Variants in RSF1 observed in about 807,000 individuals in gnomAD.
The protein encoded by RSF1 is HBV pX-associated protein 8.
RSF1 carries 13 observed loss-of-function variants against 145.2 expected under a neutral mutation model. The ratio of observed to expected loss-of-function variants is 0.09; its 90% confidence interval spans 0.06 to 0.14. The LOEUF is 0.14. Ranked by LOEUF, RSF1 falls within the 10% of genes least tolerant of loss-of-function variation. The pLI is 1.00. For missense variants in RSF1, 1,517 were observed against 1,718.2 expected (o/e 0.88, Z 2.07); for synonymous variants, 577 against 592.6 (o/e 0.97, Z 0.38).
chr11:77,840,118 A>G, the RSF1 span, among the ~76,000 whole-genome samples: 1 of 152,098 alleles, frequency 6.6e-6, no homozygotes, highest in East Asian at 1.9e-4. Context: ...ACACACACAC[A>G]CAACACCCAG....
At chr11:77,784,862 T>A (rs1482007027) in intron 1 of RSF1, among the ~76,000 whole-genome samples, 1 of 152,214 alleles carries the variant, frequency 6.6e-6, no homozygotes. Context: ...TGCCTAGCGT[T>A]GTGGATTTTC....
chr11:77,805,705 T>C (rs1181663869), intron 1 of RSF1, among the ~76,000 whole-genome samples: 3 of 152,226 alleles, frequency 2.0e-5, no homozygotes, highest in Non-Finnish European at 4.4e-5. Flanking sequence ...TATGATATAT[T>C]GCTATAATCT....
chr11:77,777,167 TCA>T (rs1191185868), intron 1 of RSF1, among the ~76,000 whole-genome samples: 1 of 152,198 alleles, frequency 6.6e-6, no homozygotes, highest in Non-Finnish European at 1.5e-5. Flanking sequence ...CATAAATACT[TCA>T]GTGTGTATCT....
chr11:77,834,441 GTTTTTTTTTTT>G, the RSF1 span, among the ~76,000 whole-genome samples: 2 of 105,548 alleles, frequency 1.9e-5, no homozygotes, highest in African/African-American at 7.2e-5. Flanking sequence ...AGTTGATTTT[GTTTTTTTTTTT>G]TTTTTTTTTT....
At chr11:77,749,287 G>A (rs1237246580) in intron 2 of RSF1, among the ~76,000 whole-genome samples, 3 of 152,036 alleles carry the variant, frequency 2.0e-5, no homozygotes, top group Admixed American at 6.5e-5. Context: ...TTGTTTAAAC[G>A]GTAAATTTTC....
At chr11:77,712,402 C>T (rs1177544960) in intron 5 of RSF1, among the ~76,000 whole-genome samples, 1 of 152,148 alleles carries the variant, frequency 6.6e-6, no homozygotes, top group African/African-American at 2.4e-5. Context: ...TATAAATTAC[C>T]CAGTCTCAGG....
chr11:77,715,958 C>A (rs1305406864), intron 5 of RSF1, among the ~76,000 whole-genome samples: 2 of 152,080 alleles, frequency 1.3e-5, no homozygotes, highest in Admixed American at 6.6e-5. Flanking sequence ...ACATTCAGTA[C>A]ATAAACTTTT....
At chr11:77,668,059 G>A (rs1396427629) in intron 15 of RSF1, among the ~76,000 whole-genome samples, 2 of 151,870 alleles carry the variant, frequency 1.3e-5, no homozygotes, top group African/African-American at 4.8e-5. Flanking sequence ...GTATCATGGC[G>A]CAAACTAGGC....
intron 7 of RSF1, among the ~76,000 whole-genome samples, chr11:77,694,961 G>A (rs1168915935): frequency 6.6e-6 from 1 of 152,112 alleles, no homozygotes; most frequent in Non-Finnish European, 1.5e-5. Flanking sequence ...AGCCTACAGA[G>A]GGGAAATGCC....
chr11:77,700,299 C>T (rs1210050209), intron 6 of RSF1, among the ~76,000 whole-genome samples: 1 of 131,530 alleles, frequency 7.6e-6, no homozygotes, highest in Non-Finnish European at 1.5e-5. Context: ...TGCAGTGAGC[C>T]GAGATAGTGC....
intron 8 of RSF1, among the ~76,000 whole-genome samples, chr11:77,692,240 T>C (rs865775560): frequency 1.8e-5 from 1 of 55,768 alleles, no homozygotes; most frequent in African/African-American, 1.3e-4. Flanking sequence ...TAAATTTTTT[T>C]TTTTTTTTTT....
At position 77,663,309 on chromosome 11, in the gene RSF1, C is replaced by T. The variant is rs1439375167; in HGVS notation, c.*3608G>A. The T allele has an allele frequency of 6.6e-6, 1 of 152,124 alleles. No homozygotes were observed. The highest frequency in any genetic ancestry group is 1.5e-5 in the Non-Finnish European group (1 of 68,010). The allele number at this position is 152,124 out of a possible 1,614,324, so 9.4% of individuals were successfully genotyped here. ...TCCCACTTAAAAACAGCTAACATTT[C>T]CTCATCATTTTGACTATTAAACAAG... On this transcript the variant is annotated 3_prime_UTR_variant, in exon 16 of 16. Transcript: ENST00000308488.
chr11:77,787,832 G>GGAAAAAAAAA (rs1948472199), intron 1 of RSF1, among the ~76,000 whole-genome samples: 1 of 105,260 alleles, frequency 9.5e-6, no homozygotes. Flanking sequence ...CTTCAGAACA[G>GGAAAAAAAAA]TAAAAAAAAA....
At chr11:77,858,650 A>C in the RSF1 span, among the ~76,000 whole-genome samples, 1 of 152,078 alleles carries the variant, frequency 6.6e-6, no homozygotes, top group African/African-American at 2.4e-5. Flanking sequence ...GGAAAACCCA[A>C]GTGCTGTTGG....
intron 1 of RSF1, among the ~76,000 whole-genome samples, chr11:77,788,285 C>G (rs1157620654): frequency 6.8e-6 from 1 of 147,916 alleles, no homozygotes; most frequent in Non-Finnish European, 1.5e-5. Flanking sequence ...CAAACCTGAC[C>G]CAGAAATTAC....
chr11:77,820,234 G>C (rs941796836), intron 1 of RSF1, among the ~76,000 whole-genome samples: 8 of 152,246 alleles, frequency 5.3e-5, no homozygotes, highest in Middle Eastern at 6.8e-3. Context: ...AGCAGTCCCC[G>C]GGGCTGCCGA....
intron 11 of RSF1, among the ~76,000 whole-genome samples, chr11:77,679,613 A>C (rs66681087): frequency 0.18 from 27,103 of 151,358 alleles, 3,073 homozygotes; most frequent in African/African-American, 0.3. Flanking sequence ...GCAGAGGATG[A>C]AGTAAGCCGA....
intron 1 of RSF1, among the ~76,000 whole-genome samples, chr11:77,767,547 C>T (rs948707688): frequency 6.6e-6 from 1 of 152,128 alleles, no homozygotes; most frequent in East Asian, 1.9e-4. Context: ...ATCCTTGATT[C>T]GAATCATTTT....
At chr11:77,678,638 G>A (rs1408303428) in intron 11 of RSF1, among the ~76,000 whole-genome samples, 3 of 152,122 alleles carry the variant, frequency 2.0e-5, no homozygotes, top group Admixed American at 6.5e-5. Flanking sequence ...TGGGGTCTTT[G>A]GCAGAGCCCT....
Sources: gnomAD v4.1 joint callset for allele counts (sites outside exome capture counted in the v4.1 genomes callset) on GRCh38, gnomAD v4.1.1 for gene constraint, MANE v1.5 for transcripts, NCBI Gene and HGNC (gene_info 2026-07-23, HGNC 2026-07-21) for gene names.